RNF220: variants seen among roughly 807,000 people sequenced by gnomAD.
RNF220 encodes the protein ring finger protein 220, also known as E3 ubiquitin-protein ligase RNF220.
Under a neutral mutation model 67.1 loss-of-function variants are expected in RNF220, and 7 were observed. The ratio of observed to expected loss-of-function variants is 0.10; its 90% CI spans 0.06 to 0.20. The LOEUF (loss-of-function observed/expected upper bound fraction) is 0.20. Among genes scored for constraint, RNF220 ranks in the 10% least tolerant of loss-of-function variants. RNF220 has a pLI of 1.00. For missense variants in RNF220, 565 were observed against 740.3 expected, an observed-to-expected ratio of 0.76 and a Z score of 2.75; for synonymous variants, 270 against 283.2, an observed-to-expected ratio of 0.95 and a Z score of 0.47.
chr1:44,539,639 C>T (rs1215109733), intron 2 of RNF220, among the ~76,000 whole-genome samples: 1 of 152,130 alleles, frequency 6.6e-6, no homozygotes, highest in African/African-American at 2.4e-5. Context: ...GAAATGATTT[C>T]ACAGAAAAGG....
chr1:44,469,490 A>G (rs1188064793), intron 2 of RNF220, among the ~76,000 whole-genome samples: 1 of 152,200 alleles, frequency 6.6e-6, no homozygotes, highest in Non-Finnish European at 1.5e-5. Context: ...CCTCCCCCCT[A>G]ATACATTTCC....
intron 2 of RNF220, among the ~76,000 whole-genome samples, chr1:44,535,027 G>A (rs1661095446): frequency 6.6e-6 from 1 of 152,126 alleles, no homozygotes; most frequent in African/African-American, 2.4e-5. Flanking sequence ...AATCTCCGTA[G>A]GAGGAGTAAA....
chr1:44,423,977 C>T, intron 2 of RNF220: 1 of 985,440 alleles, frequency 1.0e-6, no homozygotes, highest in Non-Finnish European at 1.2e-6. Flanking sequence ...TCCACCATCC[C>T]CGCTGTGGTT....
intron 2 of RNF220, among the ~76,000 whole-genome samples, chr1:44,602,467 C>T (rs1053027895): frequency 1.3e-5 from 2 of 151,982 alleles, no homozygotes; most frequent in African/African-American, 2.4e-5. Context: ...CTAGAGACTG[C>T]GGATGGAGAG....
At chr1:44,506,705 G>C (rs543420853) in intron 2 of RNF220, among the ~76,000 whole-genome samples, 3 of 152,214 alleles carry the variant, frequency 2.0e-5, no homozygotes, top group South Asian at 2.1e-4. Context: ...GCCAAAGCAC[G>C]AACACTGGAG....
chr1:44,631,569 G>A (rs978259331), intron 5 of RNF220, among the ~76,000 whole-genome samples: 4 of 152,234 alleles, frequency 2.6e-5, no homozygotes, highest in African/African-American at 9.6e-5. Flanking sequence ...TGACATGTTG[G>A]GAGTCCTCTG....
intron 2 of RNF220, among the ~76,000 whole-genome samples, chr1:44,586,142 T>C (rs1162862420): frequency 6.6e-6 from 1 of 152,024 alleles, no homozygotes; most frequent in Admixed American, 6.6e-5. Flanking sequence ...TGGGAAGAAA[T>C]GAGGTGGTGG....
intron 2 of RNF220, among the ~76,000 whole-genome samples, chr1:44,576,542 G>A (rs1402100573): frequency 2.0e-5 from 3 of 152,144 alleles, no homozygotes; most frequent in Non-Finnish European, 4.4e-5. Context: ...CCTGGGCAAG[G>A]AGAAGCCAGT....
intron 2 of RNF220, among the ~76,000 whole-genome samples, chr1:44,596,386 A>T (rs1309026237): frequency 6.6e-6 from 1 of 151,958 alleles, no homozygotes; most frequent in Non-Finnish European, 1.5e-5. Flanking sequence ...ATATGGTGAA[A>T]CCCTGTCTCT....
chr1:44,586,443 A>G (rs945302281), intron 2 of RNF220, among the ~76,000 whole-genome samples: 6 of 152,148 alleles, frequency 3.9e-5, no homozygotes, highest in Non-Finnish European at 7.3e-5. Context: ...TGGTGTGGAA[A>G]GGAGGACAGG....
At chr1:44,431,520 AG>A (rs999307867) in intron 2 of RNF220, among the ~76,000 whole-genome samples, 2 of 148,406 alleles carry the variant, frequency 1.3e-5, no homozygotes, top group Non-Finnish European at 3.0e-5. Flanking sequence ...AAAAAAAAAA[AG>A]AAGTGGTCAA....
chr1:44,644,947 C>T lies in RNF220; in HGVS notation c.1224-48C>T, dbSNP rs1253716306. ...CATGCTCTCCTGAGGATTCAACCCT[C>T]ATAGCCTGCTGCAAACTAGGATCCA... On this transcript the variant is annotated intron_variant, in intron 9 of 14. Transcript: ENST00000361799. 5 of 1,604,064 alleles carry T rather than the reference C, an allele frequency of 3.1e-6. No individual in the cohort carries two copies. In the African/African-American group the frequency reaches 4.0e-5, roughly 13 times the overall value.
At chr1:44,453,547 C>CT (rs1434086571) in intron 2 of RNF220, among the ~76,000 whole-genome samples, 1 of 151,780 alleles carries the variant, frequency 6.6e-6, no homozygotes, top group Non-Finnish European at 1.5e-5. Flanking sequence ...TTTGAAGGAT[C>CT]TTTTCATGGT....
chr1:44,540,731 C>T (rs1356674474), intron 2 of RNF220, among the ~76,000 whole-genome samples: 1 of 151,916 alleles, frequency 6.6e-6, no homozygotes, highest in Non-Finnish European at 1.5e-5. Context: ...ATTTTAATGC[C>T]TGCTATTCAG....
chr1:44,572,890 A>G, intron 2 of RNF220: 1 of 239,976 alleles, frequency 4.2e-6, no homozygotes. Context: ...ATGAGGAAGG[A>G]TGTTGTTCAC....
chr1:44,457,629 C>T (rs562693732), intron 2 of RNF220, among the ~76,000 whole-genome samples: 47 of 151,574 alleles, frequency 3.1e-4, no homozygotes, highest in African/African-American at 1.1e-3. Context: ...AGCAAGGAAG[C>T]GTTATATTTA....
intron 2 of RNF220, among the ~76,000 whole-genome samples, chr1:44,452,375 G>A (rs936067459): frequency 1.3e-5 from 2 of 152,006 alleles, no homozygotes; most frequent in Non-Finnish European, 2.9e-5. Flanking sequence ...CCAACGTGGT[G>A]AAACCCCGTC....
chr1:44,504,229 G>C (rs1341199057), intron 2 of RNF220, among the ~76,000 whole-genome samples: 2 of 152,152 alleles, frequency 1.3e-5, no homozygotes, highest in Non-Finnish European at 2.9e-5. Flanking sequence ...TGCCACCCTT[G>C]GTTAGATCTT....
At chr1:44,490,756 A>C (rs1656785016) in intron 2 of RNF220, among the ~76,000 whole-genome samples, 1 of 152,124 alleles carries the variant, frequency 6.6e-6, no homozygotes, top group Non-Finnish European at 1.5e-5. Flanking sequence ...AATAAATGAA[A>C]TATAGAATTG....
Sources: allele counts gnomAD v4.1 joint callset (sites outside exome capture counted in the v4.1 genomes callset), GRCh38; gene constraint gnomAD v4.1.1; transcripts MANE v1.5; gene names NCBI Gene and HGNC (gene_info 2026-07-23, HGNC 2026-07-21).